The following PCDHGA7 variants were observed in gnomAD, a reference collection of about 807,000 sequenced individuals.
PCDHGA7 encodes the protein protocadherin gamma subfamily A, 7, also known as protocadherin gamma-A7.
Under a neutral mutation model 58.3 loss-of-function variants are expected in PCDHGA7, and 44 were observed. The observed-to-expected ratio is 0.75, with a 90% confidence interval of 0.59 to 0.97. The LOEUF is 0.97. PCDHGA7 is among the 50% of genes least tolerant of loss of function. The pLI, the probability that PCDHGA7 is intolerant of heterozygous loss-of-function variation, is 0.00. For missense variants in PCDHGA7, 1,266 were observed against 1,188.7 expected, an observed-to-expected ratio of 1.06 and a Z score of -0.96; for synonymous variants, 516 against 504.2, an observed-to-expected ratio of 1.02 and a Z score of -0.31.
In PCDHGA7 at chr5:141,383,004, G is replaced by A; in HGVS notation, c.105G>A (p.Val35=). ...EAWAGRILYS[V]SEETDKGSFV... ...GGGCAGGACGTATTCTCTACTCCGT[G>A]TCGGAGGAGACGGACAAAGGGTCCT... The change falls in exon 1 of 4, where the codon GTG becomes GTA. Residue 35 remains valine (V), a synonymous_variant. Coordinates refer to ENST00000518325, the MANE Select transcript of PCDHGA7 (RefSeq NM_018920.4). The A allele has an allele frequency of 6.2e-7, 1 of 1,613,698 alleles. No individual in the cohort carries two copies. Among genetic ancestry groups the A allele is most frequent in the Non-Finnish European group, 8.5e-7 (1 of 1,179,788 alleles).
chr5:141,490,576 G>T lies in PCDHGA7; in HGVS notation c.2425-4231G>T. On this transcript the variant is annotated intron_variant, in intron 1 of 3. Transcript: ENST00000518325. The surrounding 1 kb of genome is among the most constrained non-coding windows in gnomAD (Gnocchi z 5.4). ...TCTCACCATCAGGCTCAACATTTCA[G>T]ATGTCAATGACAATGCACCCCGCTT... 2.5e-6 allele frequency: 4 copies of T among 1,614,134 alleles called. No homozygotes were observed. The highest frequency in any genetic ancestry group is 3.4e-6 in the Non-Finnish European group (4 of 1,180,030).
intron 1 of PCDHGA7, among the ~76,000 whole-genome samples, chr5:141,444,402 C>A (rs916833331): frequency 6.6e-6 from 1 of 151,932 alleles, no homozygotes; most frequent in Admixed American, 6.6e-5. Flanking sequence ...AACTCCCAAC[C>A]TCAGGTGATC....
intron 1 of PCDHGA7, chr5:141,426,302 A>G (rs1590676929): frequency 1.2e-5 from 2 of 172,322 alleles, no homozygotes; most frequent in East Asian, 1.4e-4. Context: ...AACAGGGTGA[A>G]GCAGAGAAGC....
At chr5:141,389,889 G>T (rs1190060148) in intron 1 of PCDHGA7, 1 of 1,614,086 alleles carries the variant, frequency 6.2e-7, no homozygotes, top group South Asian at 1.1e-5. Context: ...CTTGCAGGAG[G>T]TGCTGCCGGA....
intron 1 of PCDHGA7, chr5:141,422,638 T>G (rs1412270971): frequency 6.2e-7 from 1 of 1,612,392 alleles, no homozygotes. Context: ...CAGGGGTGCC[T>G]CCATCTTCTC....
At chr5:141,450,006 C>CTTTTTTT (rs1554136305) in intron 1 of PCDHGA7, among the ~76,000 whole-genome samples, 1 of 132,982 alleles carries the variant, frequency 7.5e-6, no homozygotes, top group Admixed American at 7.8e-5. Context: ...TGCCATGTCT[C>CTTTTTTT]TTTTTTTTTT....
At chr5:141,423,183 G>GCCCCCTCTCTCGGCCAC (rs760086052) in intron 1 of PCDHGA7, 8 of 1,613,570 alleles carry the variant, frequency 5.0e-6, no homozygotes, top group Non-Finnish European at 6.8e-6. Context: ...ACCACGGCCA[G>GCCCCCTCTCTCGGCCAC]CCCCCTCTCT....
chr5:141,505,597 T>C, intron 3 of PCDHGA7, 116 bp downstream of exon 3: 1 of 1,558,330 alleles, frequency 6.4e-7, no homozygotes, highest in Non-Finnish European at 8.7e-7. Context: ...TCCAGATCTT[T>C]CGGCAGGTCT....
rs1266310917 is a variant in PCDHGA7 at position 141,486,868 on chromosome 5, G to A, written c.2425-7939G>A. 2 of 1,614,104 alleles carry A rather than the reference G, an allele frequency of 1.2e-6. No homozygotes were observed. Among genetic ancestry groups the A allele is most frequent in the Non-Finnish European group, 1.7e-6 (2 of 1,180,056 alleles). ...ACCTCAATGACAATGCTCCAGCTGT[G>A]CTCCGTCCTCGGGCCCGGCCTGGTT... On this transcript the variant is annotated intron_variant, in intron 1 of 3. Transcript: ENST00000518325. The surrounding 1 kb of genome is among the most constrained non-coding windows in gnomAD (Gnocchi z 5.0).
intron 1 of PCDHGA7, chr5:141,392,409 A>G (rs1308940731): frequency 6.4e-6 from 1 of 156,720 alleles, no homozygotes; most frequent in African/African-American, 2.4e-5. Context: ...ACTAAATAAA[A>G]CCTTCATCTC....
chr5:141,432,014 A>C lies in PCDHGA7; in HGVS notation c.2424+46691A>C, dbSNP rs778393699. Reference sequence around the variant, plus strand: ...GGATAGGGAACAGGTTCCTAGCTACAACATCACAGTGACCGCCACTGACCG... The same window carrying C: ...GGATAGGGAACAGGTTCCTAGCTACCACATCACAGTGACCGCCACTGACCG... On this transcript the variant is annotated intron_variant, in intron 1 of 3. Transcript: ENST00000518325. This position sits in a 1 kb window ranked among gnomAD's most constrained non-coding sequence, Gnocchi z 6.0. 16 of 1,614,196 alleles carry C rather than the reference A, an allele frequency of 9.9e-6. 1 individual carries two copies. In the South Asian group the frequency reaches 1.6e-4, roughly 17 times the overall value.
At position 141,382,967 on chromosome 5, in the gene PCDHGA7, C is replaced by T. The variant is rs779802932; in HGVS notation, c.68C>T (p.Pro23Leu). 1 of 1,609,176 alleles carries T rather than the reference C, an allele frequency of 6.2e-7. No individual in the cohort carries two copies. Among genetic ancestry groups the T allele is most frequent in the Non-Finnish European group, 8.5e-7 (1 of 1,176,574 alleles). Residue 23 changes from proline (P) to leucine (L), a missense_variant, in exon 1 of 4, where the codon CCC becomes CTC. By Grantham distance (98) the Pro-to-Leu change is moderately conservative. Transcript: ENST00000518325. ...CTGCTCTCCATCCTCCTGGGGACCCCCTGGGAAGCCTGGGCAGGACGTATT... is the reference window on the plus strand; with the variant it reads ...CTGCTCTCCATCCTCCTGGGGACCCTCTGGGAAGCCTGGGCAGGACGTATT... ...FFLLSILLGTPWEAWAGRILY... is the reference protein window; with the variant it reads ...FFLLSILLGTLWEAWAGRILY...
intron 1 of PCDHGA7, chr5:141,420,219 T>C: frequency 6.2e-7 from 1 of 1,607,100 alleles, no homozygotes. Flanking sequence ...GATAGCATGC[T>C]ACTGGCTAGC....
intron 1 of PCDHGA7, chr5:141,422,122 A>G (rs758254144): frequency 6.2e-7 from 1 of 1,601,596 alleles, no homozygotes; most frequent in African/African-American, 1.4e-5. Context: ...GGATTCACAA[A>G]CTGGAGAAGT....
At chr5:141,441,890 T>C (rs967557692) in intron 1 of PCDHGA7, 18 of 348,170 alleles carry the variant, frequency 5.2e-5, no homozygotes, top group Non-Finnish European at 7.2e-5. Flanking sequence ...GTCACCAAGG[T>C]GGTGGCTGTA....
chr5:141,431,833 AAACTCT>A lies in PCDHGA7; in HGVS notation c.2424+46511_2424+46516del. The A allele has an allele frequency of 1.2e-6, 2 of 1,614,278 alleles. No homozygotes were observed. Among genetic ancestry groups the A allele is most frequent in the Non-Finnish European group, 1.7e-6 (2 of 1,180,044 alleles). ...CCTCTCTCGCCAGCTCGGTTCCCGA[AAACTCT>A]CCCAGAGGGACATTAATTGCCCTTT... is the stretch of plus-strand genomic sequence containing the variant. On this transcript the variant is annotated intron_variant, in intron 1 of 3. Transcript: ENST00000518325. This position sits in a 1 kb window ranked among gnomAD's most constrained non-coding sequence, Gnocchi z 4.8.
rs1241912384 is a variant in PCDHGA7 at position 141,404,765 on chromosome 5, T to C, written c.2424+19442T>C. ...AGACTCAGGCCAGAATGCTTGGCTC[T>C]CCTACCGCCTATTCAAGGCCAGTGA... On this transcript the variant is annotated intron_variant, in intron 1 of 3. Coordinates refer to ENST00000518325, the MANE Select transcript of PCDHGA7 (RefSeq NM_018920.4). 2.5e-6 allele frequency: 4 copies of C among 1,613,120 alleles called. No individual in the cohort carries two copies. The Admixed American group carries it at 6.7e-5, about 27-fold the overall frequency.
At chr5:141,435,172 T>G (rs1406204282) in intron 1 of PCDHGA7, among the ~76,000 whole-genome samples, 1 of 152,198 alleles carries the variant, frequency 6.6e-6, no homozygotes, top group Non-Finnish European at 1.5e-5. Context: ...GAGTGGCTTT[T>G]AACTACACTT....
chr5:141,395,302 T>C, intron 1 of PCDHGA7: 1 of 1,516,670 alleles, frequency 6.6e-7, no homozygotes, highest in East Asian at 2.3e-5. Flanking sequence ...AATTATGTTT[T>C]GAAAAACATT....
Sources: gnomAD v4.1 joint callset for allele counts (sites outside exome capture counted in the v4.1 genomes callset) on GRCh38, gnomAD v4.1.1 for gene constraint, Gnocchi (gnomAD v3.1) non-coding constraint, MANE v1.5 for transcripts, NCBI Gene and HGNC (gene_info 2026-07-23, HGNC 2026-07-21) for gene names.